The following SYCE3 variants were observed in gnomAD, a reference collection of about 807,000 sequenced individuals.
SYCE3 encodes synaptonemal complex central element protein 3.
In SYCE3, 3 loss-of-function variants were observed where a neutral mutation model predicts 8.1. That is an observed-to-expected ratio of 0.37 (90% confidence interval 0.17 to 0.96). The LOEUF is 0.96. Among genes scored for constraint, SYCE3 ranks in the 40% least tolerant of loss-of-function variants. The pLI, the probability that SYCE3 is intolerant of heterozygous loss-of-function variation, is 0.41. For synonymous variants in SYCE3, 36 were observed against 38.7 expected (o/e 0.93, Z 0.26); for missense variants, 83 against 110.0 (o/e 0.75, Z 1.10).
intron 2 of SYCE3, 71 bp from the exon 3 acceptor site, chr22:50,551,473 A>C (rs2069808960): frequency 4.8e-6 from 7 of 1,468,456 alleles, no homozygotes; most frequent in Non-Finnish European, 5.5e-6. Flanking sequence ...CAGAAGGGTC[A>C]GATGCCTCCA....
chr22:50,553,158 C>T (rs1034228392), intron 2 of SYCE3, among the ~76,000 whole-genome samples: 3 of 152,036 alleles, frequency 2.0e-5, no homozygotes, highest in Non-Finnish European at 2.9e-5. Flanking sequence ...GCCAAGATTG[C>T]ACTACTGCAC....
At chr22:50,556,228 C>G (rs965656562) in intron 2 of SYCE3, 69 bp downstream of exon 2, 11 of 1,189,024 alleles carry the variant, frequency 9.3e-6, no homozygotes, top group Non-Finnish European at 1.2e-5. Flanking sequence ...GCATCTTTAA[C>G]CTTGGCAAAA....
chr22:50,553,951 C>A (rs1346542416), intron 2 of SYCE3, among the ~76,000 whole-genome samples: 1 of 151,892 alleles, frequency 6.6e-6, no homozygotes, highest in Non-Finnish European at 1.5e-5. Context: ...CCCAGCACTT[C>A]GGGAGGCCAA....
At chr22:50,554,538 A>G (rs131775) in intron 2 of SYCE3, among the ~76,000 whole-genome samples, 63,156 of 151,492 alleles carry the variant, frequency 0.42, 14,330 homozygotes, top group East Asian at 0.63. Context: ...TACTAAAAAT[A>G]CAAAAATTAG....
At chr22:50,558,550 A>G (rs189579099) in intron 1 of SYCE3, among the ~76,000 whole-genome samples, 34 of 152,292 alleles carry the variant, frequency 2.2e-4, no homozygotes, top group African/African-American at 7.9e-4. Context: ...CAGATCTGAG[A>G]ATGAGGGTGC....
intron 2 of SYCE3, among the ~76,000 whole-genome samples, chr22:50,553,514 G>A (rs188962156): frequency 3.7e-4 from 57 of 152,156 alleles, no homozygotes; most frequent in East Asian, 5.8e-4. Flanking sequence ...ATTTGGCATC[G>A]CACTGGGCCC....
chr22:50,562,653 G>GGGTGAGGGGCGAGGCGGGGGAGGGGTGA (rs1236216007), intron 1 of SYCE3, among the ~76,000 whole-genome samples: 2 of 117,726 alleles, frequency 1.7e-5, no homozygotes, highest in South Asian at 2.9e-4. Flanking sequence ...GAGCGATGAG[G>GGGTGAGGGGCGAGGCGGGGGAGGGGTGA]GGTGAAGGGT....
intron 2 of SYCE3, among the ~76,000 whole-genome samples, chr22:50,554,002 G>A (rs920147783): frequency 2.6e-5 from 4 of 151,792 alleles, no homozygotes; most frequent in African/African-American, 4.8e-5. Flanking sequence ...GACCATCCTG[G>A]CTAACACGGG....
intron 1 of SYCE3, among the ~76,000 whole-genome samples, chr22:50,558,517 G>C (rs1219518630): frequency 1.3e-5 from 2 of 152,154 alleles, no homozygotes; most frequent in African/African-American, 2.4e-5. Context: ...AGGAGCAAAG[G>C]GCCCTCCAGG....
intron 1 of SYCE3, among the ~76,000 whole-genome samples, chr22:50,560,971 T>C (rs1392290154): frequency 1.3e-5 from 2 of 152,144 alleles, no homozygotes; most frequent in Non-Finnish European, 1.5e-5. Context: ...AGGAGAACGA[T>C]AAAGCTTTAT....
At position 50,551,220 on chromosome 22, in the gene SYCE3, G is replaced by A. The variant is rs1198981685; in HGVS notation, c.*25C>T. On this transcript the variant is annotated 3_prime_UTR_variant, in exon 3 of 3. Transcript: ENST00000406915. ...TCTTCATACGGGCAGAGGGTGGCAT[G>A]GCAGCTGTGGTGGGCCAGTGGGGCC... The A allele has an allele frequency of 6.5e-7, 1 of 1,549,082 alleles. No individual in the cohort carries two copies. Among genetic ancestry groups the A allele is most frequent in the Non-Finnish European group, 8.7e-7 (1 of 1,145,418 alleles).
intron 2 of SYCE3, among the ~76,000 whole-genome samples, chr22:50,551,707 G>A (rs1185343529): frequency 2.0e-5 from 3 of 152,198 alleles, no homozygotes; most frequent in African/African-American, 4.8e-5. Context: ...AGAGCAAACC[G>A]CAGCTCCTTA....
At chr22:50,555,519 A>G (rs1167972429) in intron 2 of SYCE3, among the ~76,000 whole-genome samples, 2 of 152,192 alleles carry the variant, frequency 1.3e-5, no homozygotes, top group Non-Finnish European at 2.9e-5. Context: ...GGTGACTAGC[A>G]TTAACATGAA....
chr22:50,558,586 G>A (rs1425271723), intron 1 of SYCE3, among the ~76,000 whole-genome samples: 1 of 152,212 alleles, frequency 6.6e-6, no homozygotes, highest in African/African-American at 2.4e-5. Context: ...GGTCTTTCGG[G>A]ATCTGTAAAG....
chr22:50,556,436 A>C, intron 1 of SYCE3, 31 bp from the exon 2 acceptor site: 2 of 1,449,218 alleles, frequency 1.4e-6, no homozygotes, highest in Non-Finnish European at 1.9e-6. Context: ...AGCTGCAGTC[A>C]GACAGACCTA....
At chr22:50,560,711 G>A (rs2069906210) in intron 1 of SYCE3, among the ~76,000 whole-genome samples, 1 of 152,136 alleles carries the variant, frequency 6.6e-6, no homozygotes, top group Admixed American at 6.6e-5. Flanking sequence ...TGTGTGGAAA[G>A]AGCTACCTGG....
intron 2 of SYCE3, among the ~76,000 whole-genome samples, chr22:50,553,651 C>T (rs2148697924): frequency 6.6e-6 from 1 of 152,236 alleles, no homozygotes; most frequent in East Asian, 1.9e-4. Flanking sequence ...GGTATGATCT[C>T]GGCTCACTGC....
At chr22:50,551,753 C>T (rs1388437618) in intron 2 of SYCE3, among the ~76,000 whole-genome samples, 1 of 152,172 alleles carries the variant, frequency 6.6e-6, no homozygotes, top group South Asian at 2.1e-4. Flanking sequence ...CTGCAGGTGA[C>T]CCCTAAGGAG....
At chr22:50,558,345 C>T (rs1051244480) in intron 1 of SYCE3, among the ~76,000 whole-genome samples, 15 of 151,886 alleles carry the variant, frequency 9.9e-5, no homozygotes, top group Non-Finnish European at 1.6e-4. Flanking sequence ...GCAGGAGAAT[C>T]GCTTGAACCC....
Sources: gnomAD v4.1 joint callset for allele counts (sites outside exome capture counted in the v4.1 genomes callset) on GRCh38, gnomAD v4.1.1 for gene constraint, MANE v1.5 for transcripts, NCBI Gene and HGNC (gene_info 2026-07-23, HGNC 2026-07-21) for gene names.